BRI3BP: variants seen among roughly 807,000 people sequenced by gnomAD.
The protein encoded by BRI3BP is BRI3-binding protein.
BRI3BP carries 7 observed loss-of-function variants against 15.8 expected under a neutral mutation model. That is an observed-to-expected ratio of 0.44 (90% CI 0.25 to 0.83). BRI3BP has a LOEUF of 0.83. Ranked by LOEUF, BRI3BP falls within the 40% of genes least tolerant of loss-of-function variation. BRI3BP has a pLI of 0.20. For synonymous variants in BRI3BP, 192 were observed against 163.5 expected, an observed-to-expected ratio of 1.17 and a Z score of -1.33; for missense variants, 320 against 339.3, an observed-to-expected ratio of 0.94 and a Z score of 0.45.
chr12:125,034,347 C>CT (rs1456861450), downstream of BRI3BP, among the ~76,000 whole-genome samples: 2 of 152,050 alleles, frequency 1.3e-5, no homozygotes, highest in African/African-American at 2.4e-5. Flanking sequence ...CACCCAGCCC[C>CT]TTTTTTTAAA....
chr12:125,013,108 A>G (rs1396332054), intron 2 of BRI3BP, among the ~76,000 whole-genome samples: 1 of 152,064 alleles, frequency 6.6e-6, no homozygotes, highest in Non-Finnish European at 1.5e-5. Context: ...TAAAAAACAA[A>G]TGGCCCATCA....
the BRI3BP span, among the ~76,000 whole-genome samples, chr12:125,050,333 G>C: frequency 6.7e-6 from 1 of 150,078 alleles, no homozygotes; most frequent in Non-Finnish European, 1.5e-5. Context: ...TTGGGCAACA[G>C]AGCGAGACTC....
chr12:125,033,240 A>C (rs548041735), downstream of BRI3BP, among the ~76,000 whole-genome samples: 16 of 152,130 alleles, frequency 1.1e-4, no homozygotes, highest in African/African-American at 3.4e-4. Flanking sequence ...TAAAATGTAG[A>C]TTTGGGCTGG....
At chr12:125,012,438 C>A in intron 1 of BRI3BP, 96 bp from the exon 2 acceptor site, 5 of 971,276 alleles carry the variant, frequency 5.1e-6, no homozygotes, top group Admixed American at 1.8e-5. Flanking sequence ...CACTATTTTT[C>A]CCTTCCCAGG....
At chr12:125,005,774 TA>T (rs60960388) in intron 1 of BRI3BP, among the ~76,000 whole-genome samples, 312 of 131,640 alleles carry the variant, frequency 2.4e-3, no homozygotes, top group East Asian at 2.4e-3. Context: ...CAAGACTGTT[TA>T]AAAAAAAAAA....
Position 124,993,706 on chromosome 12 carries a change from G to T in BRI3BP, c.-85G>T. ...GGCGCGGCGCGCGGCCCCCGAGCGC[G>T]CCAACCTTGCCCTAGCCGGAGCCCG... On this transcript the variant is annotated 5_prime_UTR_variant, in exon 1 of 3. Transcript: ENST00000341446. 1 of 793,122 alleles carries T rather than the reference G, an allele frequency of 1.3e-6. No individual in the cohort carries two copies. The highest frequency in any genetic ancestry group is 1.5e-6 in the Non-Finnish European group (1 of 656,274). The allele number at this position is 793,122 out of a possible 1,614,324, so 49.1% of individuals were successfully genotyped here. A position where few individuals can be genotyped will look rare whatever the true frequency, so the allele number is the denominator to read the frequency against.
intron 2 of BRI3BP, among the ~76,000 whole-genome samples, chr12:125,013,063 G>C (rs888046618): frequency 6.6e-6 from 1 of 152,076 alleles, no homozygotes; most frequent in African/African-American, 2.4e-5. Context: ...CAGACTGGAC[G>C]ACAGAGCAAG....
At chr12:125,017,011 T>C (rs989578173) in intron 2 of BRI3BP, among the ~76,000 whole-genome samples, 4 of 148,060 alleles carry the variant, frequency 2.7e-5, no homozygotes, top group Non-Finnish European at 4.5e-5. Context: ...AACGTTTGTA[T>C]TATTATTATT....
At chr12:125,042,584 G>C in the BRI3BP span, among the ~76,000 whole-genome samples, 1 of 151,558 alleles carries the variant, frequency 6.6e-6, no homozygotes, top group Non-Finnish European at 1.5e-5. Context: ...GCACAGACTG[G>C]AGTGCAGTGG....
At chr12:124,999,401 C>T (rs913077203) in intron 1 of BRI3BP, among the ~76,000 whole-genome samples, 1 of 151,980 alleles carries the variant, frequency 6.6e-6, no homozygotes, top group East Asian at 1.9e-4. Context: ...GTTTATTTTG[C>T]ACTATGCGCA....
At chr12:124,997,018 C>T (rs1955046272) in intron 1 of BRI3BP, among the ~76,000 whole-genome samples, 1 of 150,444 alleles carries the variant, frequency 6.6e-6, no homozygotes, top group Non-Finnish European at 1.5e-5. Flanking sequence ...CTCAGCCTCC[C>T]AAAGTGCTAT....
chr12:125,011,093 T>TAAAA (rs35697952), intron 1 of BRI3BP, among the ~76,000 whole-genome samples: 4 of 93,462 alleles, frequency 4.3e-5, no homozygotes, highest in Admixed American at 1.3e-4. Flanking sequence ...GACCCTGTCT[T>TAAAA]AAAAAAAAAA....
chr12:125,022,541 A>ATTTATTTT, intron 2 of BRI3BP, among the ~76,000 whole-genome samples: 198 of 139,430 alleles, frequency 1.4e-3, no homozygotes, highest in African/African-American at 5.4e-3. Context: ...TTATTTATTT[A>ATTTATTTT]TTTTTTGAGA....
At chr12:125,016,176 C>T (rs141575730) in intron 2 of BRI3BP, among the ~76,000 whole-genome samples, 21 of 152,204 alleles carry the variant, frequency 1.4e-4, no homozygotes, top group African/African-American at 5.1e-4. Context: ...GCTTCCGTGT[C>T]GAAGCTTTTC....
chr12:125,015,879 C>A (rs1188860120), intron 2 of BRI3BP, among the ~76,000 whole-genome samples: 1 of 152,184 alleles, frequency 6.6e-6, no homozygotes, highest in African/African-American at 2.4e-5. Flanking sequence ...TTAACGCACC[C>A]TCCCCCAGAT....
intron 2 of BRI3BP, among the ~76,000 whole-genome samples, chr12:125,021,327 G>A (rs757999706): frequency 9.9e-5 from 15 of 152,152 alleles, no homozygotes; most frequent in African/African-American, 2.7e-4. Flanking sequence ...GTTATTGACC[G>A]GAGGAGCTCC....
At chr12:125,010,822 G>C (rs1026731808) in intron 1 of BRI3BP, among the ~76,000 whole-genome samples, 15 of 151,914 alleles carry the variant, frequency 9.9e-5, no homozygotes, top group Non-Finnish European at 2.1e-4. Context: ...GCCCGGGTGT[G>C]GTGGCTCACG....
the BRI3BP span, among the ~76,000 whole-genome samples, chr12:125,045,994 G>A: frequency 6.6e-6 from 1 of 151,884 alleles, no homozygotes; most frequent in Non-Finnish European, 1.5e-5. Flanking sequence ...GTGAAACCCC[G>A]TCTCTACTAA....
At chr12:125,041,960 C>T in the BRI3BP span, among the ~76,000 whole-genome samples, 1 of 152,228 alleles carries the variant, frequency 6.6e-6, no homozygotes. Context: ...TCGCAAAGTG[C>T]TGGGATTGCA....
Sources: allele counts gnomAD v4.1 joint callset (sites outside exome capture counted in the v4.1 genomes callset), GRCh38; gene constraint gnomAD v4.1.1; transcripts MANE v1.5; gene names NCBI Gene and HGNC (gene_info 2026-07-23, HGNC 2026-07-21).